SH3PXD2B: variants seen among roughly 807,000 people sequenced by gnomAD.
SH3PXD2B encodes the protein SH3 and PX domains 2B.
A neutral mutation model predicts 73.1 loss-of-function variants in SH3PXD2B; 37 were observed. The ratio of observed to expected loss-of-function variants is 0.51; its 90% confidence interval spans 0.39 to 0.67. The LOEUF is 0.67. SH3PXD2B is among the 30% of genes least tolerant of loss of function. The pLI, the probability that SH3PXD2B is intolerant of heterozygous loss-of-function variation, is 0.00. For synonymous variants in SH3PXD2B, 457 were observed against 480.5 expected (o/e 0.95, Z 0.64); for missense variants, 1,053 against 1,197.8 (o/e 0.88, Z 1.78).
rs532812953 is a variant in SH3PXD2B, at chr5:172,353,554, G to A, written c.785+334C>T. On this transcript the variant is annotated intron_variant, in intron 9 of 12. Coordinates refer to ENST00000311601, the MANE Select transcript of SH3PXD2B (RefSeq NM_001017995.3). The surrounding 1 kb of genome is among the most constrained non-coding windows in gnomAD (Gnocchi z 4.3). ...CTTGTTCTCAGAATGGGGCGGGAGG[G>A]GGCTGTCACTCACATGGGGCAGCTT... Among the ~76,000 whole-genome samples, 7 of 152,180 alleles carry A rather than the reference G, an allele frequency of 4.6e-5. No individual in the cohort carries two copies. The highest frequency in any genetic ancestry group is 9.7e-5 in the African/African-American group (4 of 41,438).
At chr5:172,439,944 C>A (rs1245739365) in intron 1 of SH3PXD2B, among the ~76,000 whole-genome samples, 1 of 152,164 alleles carries the variant, frequency 6.6e-6, no homozygotes, top group Non-Finnish European at 1.5e-5. Flanking sequence ...ACACATCTGG[C>A]CCGAGGCGGC....
chr5:172,355,631 G>A (rs374162963), intron 8 of SH3PXD2B, among the ~76,000 whole-genome samples: 5 of 151,160 alleles, frequency 3.3e-5, no homozygotes, highest in East Asian at 3.9e-4. Context: ...TGCAAACTCC[G>A]CCTCCCGGGT....
At chr5:172,411,359 C>T (rs1379624175) in intron 2 of SH3PXD2B, among the ~76,000 whole-genome samples, 2 of 152,218 alleles carry the variant, frequency 1.3e-5, no homozygotes, top group Non-Finnish European at 2.9e-5. Flanking sequence ...GGGGTCTCTA[C>T]TGCCTGGTCT....
At chr5:172,360,134 T>C (rs77655249) in intron 7 of SH3PXD2B, among the ~76,000 whole-genome samples, 8,542 of 152,236 alleles carry the variant, frequency 0.056, 336 homozygotes, top group South Asian at 0.22. Flanking sequence ...CGGCCGGGCG[T>C]GGTGGCTCAT....
downstream of SH3PXD2B, among the ~76,000 whole-genome samples, chr5:172,329,047 G>A (rs376225210): frequency 3.5e-4 from 26 of 73,614 alleles, no homozygotes; most frequent in Admixed American, 2.7e-3. Flanking sequence ...ATATATGTAT[G>A]TGTGTGTGTG....
At chr5:172,345,166 C>G (rs951194688) in intron 12 of SH3PXD2B, among the ~76,000 whole-genome samples, 3 of 148,274 alleles carry the variant, frequency 2.0e-5, no homozygotes, top group African/African-American at 5.1e-5. Flanking sequence ...AGGCTATAGT[C>G]CTTCCTGGAA....
chr5:172,365,572 C>T (rs906365112), intron 6 of SH3PXD2B, among the ~76,000 whole-genome samples: 1 of 151,496 alleles, frequency 6.6e-6, no homozygotes. Flanking sequence ...CAGCCCTCTC[C>T]TCATCCTCCA....
rs7701410 is a variant in SH3PXD2B at position 172,337,210 on chromosome 5, G to A, written c.*1159C>T. On this transcript the variant is annotated 3_prime_UTR_variant, in exon 13 of 13. Transcript: ENST00000311601. Reference sequence around the variant, plus strand: ...ATAGGCTGCTGTGGGCTGGAGGGATGGTGGGTGTGGGAGCAGCCACGAATG... The same window carrying A: ...ATAGGCTGCTGTGGGCTGGAGGGATAGTGGGTGTGGGAGCAGCCACGAATG... 71,798 of 985,252 alleles carry A rather than the reference G, an allele frequency of 0.073. 4,374 individuals carry two copies. Among genetic ancestry groups the A allele is most frequent in the African/African-American group, 0.31 (17,750 of 57,152 alleles). 61.0% of individuals were successfully genotyped at this position (985,252 alleles called of 1,614,324 possible). A position where few individuals can be genotyped will look rare whatever the true frequency, so the allele number is the denominator to read the frequency against.
At position 172,333,767 on chromosome 5, in the gene SH3PXD2B, T is replaced by C; in HGVS notation, c.*4602A>G. 7.8e-7 allele frequency: 1 copy of C among 1,289,252 alleles called. No individual in the cohort carries two copies. 79.9% of individuals were successfully genotyped at this position (1,289,252 alleles called of 1,614,324 possible). A position where few individuals can be genotyped will look rare whatever the true frequency, so the allele number is the denominator to read the frequency against. The stretch of plus-strand genomic sequence containing the variant: ...ACGAGGTGGTGGGCAGTGCCCACTG[T>C]TCCTGGAGGGAGGTAAGAAATGGCC... On this transcript the variant is annotated 3_prime_UTR_variant, in exon 13 of 13. Transcript: ENST00000311601.
downstream of SH3PXD2B, among the ~76,000 whole-genome samples, chr5:172,329,969 G>C (rs1561884889): frequency 1.3e-5 from 2 of 152,186 alleles, no homozygotes; most frequent in Non-Finnish European, 2.9e-5. Flanking sequence ...CTGCCTGGTG[G>C]CTGTTTTCTG....
chr5:172,332,417 CTACTT>C (rs1345207534), downstream of SH3PXD2B, among the ~76,000 whole-genome samples: 1 of 107,904 alleles, frequency 9.3e-6, no homozygotes, highest in Non-Finnish European at 2.0e-5. Flanking sequence ...CCACACCTGG[CTACTT>C]TTTTTTTTTT....
intron 1 of SH3PXD2B, among the ~76,000 whole-genome samples, chr5:172,424,942 C>A (rs1319254212): frequency 1.3e-5 from 2 of 152,144 alleles, no homozygotes; most frequent in African/African-American, 4.8e-5. Context: ...AAAACAGGCT[C>A]CTTTGACACC....
intron 1 of SH3PXD2B, among the ~76,000 whole-genome samples, chr5:172,450,339 C>A (rs569637430): frequency 6.6e-6 from 1 of 151,096 alleles, no homozygotes; most frequent in East Asian, 1.9e-4. Flanking sequence ...GGAGGGCGTC[C>A]GGGGGGTTTG....
At position 172,382,062 on chromosome 5, in the gene SH3PXD2B, T is replaced by A. The variant is rs1216354796; in HGVS notation, c.375A>T (p.Arg125Ser). ...CDEVLQFFET[R>S]PEDLNPPKEE... ...CTTTGGGGGGATTCAGGTCCTCAGG[T>A]CTTGTCTCAAAGAACTGCAGCACCT... is the stretch of plus-strand genomic sequence containing the variant. The change falls in exon 5 of 13, where the codon AGA becomes AGT. Residue 125 changes from arginine to serine, a missense_variant. By Grantham distance (110) the Arg-to-Ser change is moderately radical. Around this residue, in one of 2 missense-constraint regions of SH3PXD2B, gnomAD observed 466 missense variants for 607.1 expected, o/e 0.77. Coordinates refer to ENST00000311601, the MANE Select transcript of SH3PXD2B (RefSeq NM_001017995.3). The A allele has an allele frequency of 6.2e-7, 1 of 1,611,988 alleles. No individual in the cohort carries two copies. The highest frequency in any genetic ancestry group is 1.3e-5 in the African/African-American group (1 of 74,838).
chr5:172,429,481 A>G (rs930629227), intron 1 of SH3PXD2B, among the ~76,000 whole-genome samples: 1 of 152,096 alleles, frequency 6.6e-6, no homozygotes, highest in Non-Finnish European at 1.5e-5. Context: ...TTCTTACACA[A>G]TCTCAGCAGC....
At chr5:172,403,115 C>T (rs139137744) in intron 3 of SH3PXD2B, among the ~76,000 whole-genome samples, 1 of 152,360 alleles carries the variant, frequency 6.6e-6, no homozygotes, top group East Asian at 1.9e-4. Flanking sequence ...GAGGGTGAGC[C>T]GATTGCCTTC....
At position 172,334,950 on chromosome 5, in the gene SH3PXD2B, A is replaced by G. The variant is rs1756652276; in HGVS notation, c.*3419T>C. 1.0e-6 allele frequency: 1 copy of G among 985,428 alleles called. No individual in the cohort carries two copies. The highest frequency in any genetic ancestry group is 1.7e-5 in the African/African-American group (1 of 57,370). 61.0% of individuals were successfully genotyped at this position (985,428 alleles called of 1,614,324 possible). On this transcript the variant is annotated 3_prime_UTR_variant, in exon 13 of 13. Coordinates refer to ENST00000311601, the MANE Select transcript of SH3PXD2B (RefSeq NM_001017995.3). The stretch of plus-strand genomic sequence containing the variant: ...CGTGGCCTTGTGGCAGAGGTTTAAA[A>G]TGACTACCGTAACCTGGCATGGGCT...
chr5:172,430,897 C>T (rs777110714), intron 1 of SH3PXD2B, among the ~76,000 whole-genome samples: 1 of 151,868 alleles, frequency 6.6e-6, no homozygotes, highest in East Asian at 1.9e-4. Flanking sequence ...GATGGAGTCT[C>T]GTTCTGTCAC....
Position 172,337,574 on chromosome 5 carries a change from T to A in SH3PXD2B, c.*795A>T. 3.0e-6 allele frequency: 3 copies of A among 985,512 alleles called. No homozygotes were observed. Among genetic ancestry groups the A allele is most frequent in the Non-Finnish European group, 2.4e-6 (2 of 830,022 alleles). 61.0% of individuals were successfully genotyped at this position (985,512 alleles called of 1,614,324 possible). On this transcript the variant is annotated 3_prime_UTR_variant, in exon 13 of 13. Transcript: ENST00000311601. The stretch of plus-strand genomic sequence containing the variant: ...TCAAACAAACTTTGAGATTCTTGCT[T>A]TAGGTAGGCAAAAATGAAATGCTCC...
Sources: gnomAD v4.1 joint callset for allele counts (sites outside exome capture counted in the v4.1 genomes callset) on GRCh38, gnomAD v4.1.1 for gene constraint, gnomAD v4.1.1 regional missense constraint, Gnocchi (gnomAD v3.1) non-coding constraint, MANE v1.5 for transcripts, NCBI Gene and HGNC (gene_info 2026-07-23, HGNC 2026-07-21) for gene names.